NRAP: variants seen among roughly 807,000 people sequenced by gnomAD.
NRAP encodes nebulin related anchoring protein.
NRAP carries 189 observed loss-of-function variants against 225.9 expected under a neutral mutation model. That is an observed-to-expected ratio of 0.84 (90% CI 0.74 to 0.94). NRAP has a LOEUF of 0.94. Among genes scored for constraint, NRAP ranks in the 40% least tolerant of loss-of-function variants. The pLI is 0.00. For synonymous variants in NRAP, 769 were observed against 790.7 expected (o/e 0.97, Z 0.46); for missense variants, 2,176 against 2,168.7 (o/e 1.00, Z -0.07).
intron 30 of NRAP, 117 bp downstream of exon 30, chr10:113,612,117 T>C (rs933047142): frequency 1.3e-6 from 1 of 763,324 alleles, no homozygotes; most frequent in Admixed American, 2.6e-5. Context: ...AAAATAAGAC[T>C]TGGGTTTAGG....
intron 38 of NRAP, among the ~76,000 whole-genome samples, chr10:113,595,158 G>A (rs558739180): frequency 2.0e-5 from 3 of 152,252 alleles, no homozygotes; most frequent in Non-Finnish European, 2.9e-5. Flanking sequence ...ACAAAGGAGC[G>A]AGCTGCATTT....
At position 113,629,804 on chromosome 10, in the gene NRAP, A is replaced by C; in HGVS notation, c.1843-19T>G. Reference sequence around the variant, plus strand: ...ATTCAACCTTGAATATACCAAAACAAGGCCCGTTTTGTTAGTTGAAGCCCA... The same window carrying C: ...ATTCAACCTTGAATATACCAAAACACGGCCCGTTTTGTTAGTTGAAGCCCA... On this transcript the variant is annotated intron_variant, in intron 18 of 41. Coordinates refer to ENST00000359988, the MANE Select transcript of NRAP (RefSeq NM_198060.4). The C allele has an allele frequency of 1.3e-6, 2 of 1,574,136 alleles. No homozygotes were observed. Among genetic ancestry groups the C allele is most frequent in the Non-Finnish European group, 1.7e-6 (2 of 1,143,896 alleles).
At chr10:113,634,293 T>C (rs1848738450) in intron 14 of NRAP, 83 bp from the exon 15 acceptor site, 2 of 972,482 alleles carry the variant, frequency 2.1e-6, no homozygotes, top group Non-Finnish European at 3.3e-6. Flanking sequence ...CCCAATAAAG[T>C]GGCAATTCTC....
intron 5 of NRAP, among the ~76,000 whole-genome samples, 191 bp from the exon 6 acceptor site, chr10:113,653,230 T>C (rs970714945): frequency 1.3e-5 from 2 of 152,330 alleles, no homozygotes; most frequent in East Asian, 1.9e-4. Flanking sequence ...AACTCATATT[T>C]CCCATGTCAA....
rs76311409 is a variant in NRAP at position 113,614,062 on chromosome 10, G to A, written c.3300+121C>T. The A allele has an allele frequency of 2.2e-3, 1,528 of 707,954 alleles. 16 individuals carry two copies. The East Asian group carries it at 0.028, about 13-fold the overall frequency. 43.9% of individuals were successfully genotyped at this position (707,954 alleles called of 1,614,324 possible). A position where few individuals can be genotyped will look rare whatever the true frequency, so the allele number is the denominator to read the frequency against. ...GGGACAAGTGATTTAACAATGTCACGTAGCAAGTTAGCAACAGAACCAATA... is the reference window on the plus strand; with the variant it reads ...GGGACAAGTGATTTAACAATGTCACATAGCAAGTTAGCAACAGAACCAATA... On this transcript the variant is annotated intron_variant, in intron 29 of 41. Coordinates refer to ENST00000359988, the MANE Select transcript of NRAP (RefSeq NM_198060.4).
chr10:113,635,874 G>A (rs886745235), intron 14 of NRAP, among the ~76,000 whole-genome samples: 1 of 152,168 alleles, frequency 6.6e-6, no homozygotes, highest in Non-Finnish European at 1.5e-5. Flanking sequence ...TGAACAAACT[G>A]TCGTGGGGTT....
chr10:113,605,002 G>C (rs1031002104), intron 34 of NRAP, 82 bp from the exon 35 acceptor site: 1 of 1,480,206 alleles, frequency 6.8e-7, no homozygotes. Context: ...TCTTACACTA[G>C]GAGGTGATGA....
chr10:113,588,757 C>A lies in NRAP; in HGVS notation c.*218G>T, dbSNP rs956035881. 3.0e-5 allele frequency: 17 copies of A among 573,586 alleles called. No individual in the cohort carries two copies. Among genetic ancestry groups the A allele is most frequent in the Middle Eastern group, 4.5e-4 (1 of 2,212 alleles). 35.5% of individuals were successfully genotyped at this position (573,586 alleles called of 1,614,324 possible). ...ACATCTTTATTCCTCAGCCCAGACACTCGAGGCACTCAACAGAATCAGCCA... is the reference window on the plus strand; with the variant it reads ...ACATCTTTATTCCTCAGCCCAGACAATCGAGGCACTCAACAGAATCAGCCA... On this transcript the variant is annotated 3_prime_UTR_variant, in exon 42 of 42. Transcript: ENST00000359988.
At chr10:113,614,523 G>T (rs186655957) in intron 28 of NRAP, among the ~76,000 whole-genome samples, 3 of 152,210 alleles carry the variant, frequency 2.0e-5, no homozygotes, top group Admixed American at 1.3e-4. Context: ...GGGCGGCCCC[G>T]CACTGGAGGA....
At chr10:113,614,522 C>T (rs1166635292) in intron 28 of NRAP, among the ~76,000 whole-genome samples, 1 of 152,224 alleles carries the variant, frequency 6.6e-6, no homozygotes, top group Non-Finnish European at 1.5e-5. Context: ...TGGGCGGCCC[C>T]GCACTGGAGG....
Position 113,646,975 on chromosome 10 carries a change from A to G in NRAP, c.941T>C (p.Met314Thr). 6.2e-7 allele frequency: 1 copy of G among 1,614,140 alleles called. No homozygotes were observed. Among genetic ancestry groups the G allele is most frequent in the African/African-American group, 1.3e-5 (1 of 75,034 alleles). The change falls in exon 10 of 42, where the codon ATG becomes ACG. Residue 314 changes from methionine (M) to threonine (T), a missense_variant. This residue lies in a region of NRAP where 1,708 missense variants were observed against 1,695.5 expected (regional missense o/e 1.01). Coordinates refer to ENST00000359988, the MANE Select transcript of NRAP (RefSeq NM_198060.4). ...EHRGKGSFPA[M>T]ITPAYQNAKK... The stretch of plus-strand genomic sequence containing the variant: ...GGCGTTCTGATATGCTGGAGTGATC[A>G]TAGCTGGGAAGCTGCCCTTTCCCCT...
intron 9 of NRAP, among the ~76,000 whole-genome samples, chr10:113,648,291 T>C (rs1849702521): frequency 6.6e-6 from 1 of 152,122 alleles, no homozygotes; most frequent in African/African-American, 2.4e-5. Context: ...GTTCTCCTTT[T>C]TGCCTGGCTG....
At chr10:113,636,725 C>T (rs529033661) in intron 14 of NRAP, among the ~76,000 whole-genome samples, 30 of 152,136 alleles carry the variant, frequency 2.0e-4, no homozygotes, top group Non-Finnish European at 3.8e-4. Flanking sequence ...TCCAGTGACC[C>T]GGGCCAGGGG....
chr10:113,621,919 T>C lies in NRAP; in HGVS notation c.2719A>G (p.Thr907Ala). 1 of 1,614,030 alleles carries C rather than the reference T, an allele frequency of 6.2e-7. No homozygotes were observed. ...TTGGCCCATTCCACCTTCATGTCTG[T>C]GGGCAAAGCCGTAAAGTGATGTTCC... ...TAEHHFTALPTDMKVEWAKKA... is the reference protein window; with the variant it reads ...TAEHHFTALPADMKVEWAKKA... Residue 907 changes from threonine to alanine, a missense_variant, in exon 24 of 42, where the codon ACA becomes GCA. Physicochemically the swap from Thr to Ala is moderately conservative, Grantham distance 58. This residue lies in a region of NRAP where 1,708 missense variants were observed against 1,695.5 expected (regional missense o/e 1.01). Coordinates refer to ENST00000359988, the MANE Select transcript of NRAP (RefSeq NM_198060.4).
In NRAP at chr10:113,629,643, A is replaced by C; in HGVS notation, c.1985T>G (p.Leu662Arg). 6.2e-7 allele frequency: 1 copy of C among 1,614,102 alleles called. No individual in the cohort carries two copies. Among genetic ancestry groups the C allele is most frequent in the Non-Finnish European group, 8.5e-7 (1 of 1,179,936 alleles). The change falls in exon 19 of 42, where the codon CTG (leucine) becomes CGG (arginine). Residue 662 changes from leucine (L) to arginine (R), a missense_variant. By Grantham distance (102) the Leu-to-Arg change is moderately radical. This residue lies in a region of NRAP where 1,708 missense variants were observed against 1,695.5 expected (regional missense o/e 1.01). Transcript: ENST00000359988. ...YRKKLHEYTV[L>R]PEDMKTQWAK... ...CCACTGAGTCTTCATATCTTCAGGC[A>C]GCACAGTGTATTCATGCAGTTTCTT...
chr10:113,591,295 G>C (rs1248454582), intron 39 of NRAP, among the ~76,000 whole-genome samples: 1 of 152,174 alleles, frequency 6.6e-6, no homozygotes, highest in Admixed American at 6.5e-5. Context: ...AGCTTTTAGG[G>C]ACCTAGTCCA....
intron 23 of NRAP, among the ~76,000 whole-genome samples, chr10:113,623,217 G>A (rs570050049): frequency 5.9e-5 from 9 of 152,294 alleles, no homozygotes; most frequent in Admixed American, 2.6e-4. Flanking sequence ...AGACCACAAC[G>A]TCTTTAGAAA....
chr10:113,655,478 C>T (rs898143260), intron 4 of NRAP, among the ~76,000 whole-genome samples: 1 of 142,532 alleles, frequency 7.0e-6, no homozygotes, highest in Non-Finnish European at 1.5e-5. Flanking sequence ...TCCCTTGAGA[C>T]AGAGTCTTGC....
chr10:113,652,846 C>A (rs1564759553), intron 6 of NRAP, 89 bp downstream of exon 6: 1 of 847,766 alleles, frequency 1.2e-6, no homozygotes, highest in Non-Finnish European at 2.0e-6. Context: ...CCCCAAAGCA[C>A]TCTCTTACTG....
Sources: allele counts gnomAD v4.1 joint callset (sites outside exome capture counted in the v4.1 genomes callset), GRCh38; gene constraint gnomAD v4.1.1; regional missense constraint gnomAD v4.1.1; transcripts MANE v1.5; gene names NCBI Gene and HGNC (gene_info 2026-07-23, HGNC 2026-07-21).